The following GALNT18 variants were observed in gnomAD, a reference collection of about 807,000 sequenced individuals.
GALNT18 encodes the protein GalNAc-transferase 18.
A neutral mutation model predicts 69.5 loss-of-function variants in GALNT18; 44 were observed. That is an observed-to-expected ratio of 0.63 (90% confidence interval 0.50 to 0.81). GALNT18 has a LOEUF of 0.81. Among genes scored for constraint, GALNT18 ranks in the 40% least tolerant of loss-of-function variants. The pLI is 0.00. For missense variants in GALNT18, 715 were observed against 810.0 expected, an observed-to-expected ratio of 0.88 and a Z score of 1.42; for synonymous variants, 364 against 318.2, an observed-to-expected ratio of 1.14 and a Z score of -1.53.
Position 11,377,809 on chromosome 11 carries a change from G to T in GALNT18, c.780-430C>A, listed in dbSNP as rs1853805990. Among the ~76,000 whole-genome samples, 1 of 152,170 alleles carries T rather than the reference G, an allele frequency of 6.6e-6. No individual in the cohort carries two copies. Among genetic ancestry groups the T allele is most frequent in the Non-Finnish European group, 1.5e-5 (1 of 68,044 alleles). ...CCTGGAGGAAAAGACAGATGAGGATGGCAGAGACTAGGAGCTGAGAACAAA... is the reference window on the plus strand; with the variant it reads ...CCTGGAGGAAAAGACAGATGAGGATTGCAGAGACTAGGAGCTGAGAACAAA... On this transcript the variant is annotated intron_variant, in intron 4 of 10. Coordinates refer to ENST00000227756, the MANE Select transcript of GALNT18 (RefSeq NM_198516.3). The surrounding 1 kb of genome is among the most constrained non-coding windows in gnomAD (Gnocchi z 4.6).
rs113854452 is a variant in GALNT18, at chr11:11,435,188, G to A, written c.429-2401C>T. On this transcript the variant is annotated intron_variant, in intron 2 of 10. Transcript: ENST00000227756. This position sits in a 1 kb window ranked among gnomAD's most constrained non-coding sequence, Gnocchi z 4.4. ...CACTTCCCCACGGGGTCTGCACTGC[G>A]TTCCCAGAGCCTCAGTATCCAAATT... 1.4e-4 allele frequency among the ~76,000 whole-genome samples: 22 copies of A among 152,278 alleles called. No homozygotes were observed. In the East Asian group the frequency reaches 1.7e-3, roughly 12 times the overall value.
rs1436868075 is a variant in GALNT18, at chr11:11,494,515, C to A, written c.236-45579G>T. 6.6e-6 allele frequency among the ~76,000 whole-genome samples: 1 copy of A among 152,240 alleles called. No homozygotes were observed. The highest frequency in any genetic ancestry group is 2.4e-5 in the African/African-American group (1 of 41,464). ...GCCATCTCTTCCACAGCACTGACTG[C>A]CACCTAGACATGACTCAGCCATATG... On this transcript the variant is annotated intron_variant, in intron 1 of 10. Coordinates refer to ENST00000227756, the MANE Select transcript of GALNT18 (RefSeq NM_198516.3). This position sits in a 1 kb window ranked among gnomAD's most constrained non-coding sequence, Gnocchi z 5.7.
chr11:11,321,931 C>A (rs1199396587), intron 9 of GALNT18, among the ~76,000 whole-genome samples: 1 of 152,196 alleles, frequency 6.6e-6, no homozygotes, highest in Non-Finnish European at 1.5e-5. Flanking sequence ...CCAGGGCAGG[C>A]CCCCATGGCA....
intron 10 of GALNT18, among the ~76,000 whole-genome samples, chr11:11,276,597 C>A (rs910275809): frequency 6.6e-6 from 1 of 152,052 alleles, no homozygotes; most frequent in South Asian, 2.1e-4. Context: ...GAGAGGGCAT[C>A]CCTGTCTTGT....
chr11:11,522,544 C>T (rs937400207), intron 1 of GALNT18, among the ~76,000 whole-genome samples: 1 of 152,188 alleles, frequency 6.6e-6, no homozygotes, highest in African/African-American at 2.4e-5. Context: ...CCCACCACCA[C>T]TCAGCTCAAC....
intron 3 of GALNT18, among the ~76,000 whole-genome samples, chr11:11,386,612 G>A (rs1428394088): frequency 2.0e-5 from 3 of 151,892 alleles, no homozygotes; most frequent in Admixed American, 2.0e-4. Flanking sequence ...TGCATTAATT[G>A]GATAAAAGAA....
At position 11,545,032 on chromosome 11, in the gene GALNT18, T is replaced by G. The variant is rs560146276; in HGVS notation, c.235+76327A>C. ...TAATTAGAGCAGTATTTACAGAGTA[T>G]CAGATCATTCCATTGCTGTGCTATC... is the stretch of plus-strand genomic sequence containing the variant. On this transcript the variant is annotated intron_variant, in intron 1 of 10. Transcript: ENST00000227756. Among the ~76,000 whole-genome samples the G allele has an allele frequency of 3.5e-4, 54 of 152,344 alleles. 1 individual carries two copies. Among genetic ancestry groups the G allele is most frequent in the Middle Eastern group, 6.8e-3 (2 of 294 alleles).
In GALNT18 at chr11:11,469,326, GC is replaced by G. The variant is rs1856222913; in HGVS notation, c.236-20391del. ...GAAAGGCATGGAGACAGCGCTGAAA[GC>G]CTGCCCCTCATTATAAGCACTTCCA... On this transcript the variant is annotated intron_variant, in intron 1 of 10. Coordinates refer to ENST00000227756, the MANE Select transcript of GALNT18 (RefSeq NM_198516.3). The surrounding 1 kb of genome is among the most constrained non-coding windows in gnomAD (Gnocchi z 4.2). 6.6e-6 allele frequency among the ~76,000 whole-genome samples: 1 copy of G among 152,208 alleles called. No homozygotes were observed. Among genetic ancestry groups the G allele is most frequent in the Non-Finnish European group, 1.5e-5 (1 of 68,042 alleles).
In GALNT18 at chr11:11,546,309, G is replaced by A. The variant is rs1053465822; in HGVS notation, c.235+75050C>T. ...AACCCAGCCAGGACCTGAGGCCATC[G>A]GGACTCCCTGTCTTATCCTCCCCAT... On this transcript the variant is annotated intron_variant, in intron 1 of 10. Coordinates refer to ENST00000227756, the MANE Select transcript of GALNT18 (RefSeq NM_198516.3). This position sits in a 1 kb window ranked among gnomAD's most constrained non-coding sequence, Gnocchi z 5.8. Among the ~76,000 whole-genome samples the A allele has an allele frequency of 1.3e-5, 2 of 152,046 alleles. No homozygotes were observed. The highest frequency in any genetic ancestry group is 2.4e-5 in the African/African-American group (1 of 41,376).
At position 11,413,327 on chromosome 11, in the gene GALNT18, G is replaced by T. The variant is rs1854774604; in HGVS notation, c.595+19294C>A. ...GGCCCTGGAGGGGAAGCAATAGTCT[G>T]GCCAAACATCCCTCTGGAGGTGCAG... On this transcript the variant is annotated intron_variant, in intron 3 of 10. Coordinates refer to ENST00000227756, the MANE Select transcript of GALNT18 (RefSeq NM_198516.3). The surrounding 1 kb of genome is among the most constrained non-coding windows in gnomAD (Gnocchi z 4.7). 6.6e-6 allele frequency among the ~76,000 whole-genome samples: 1 copy of T among 152,154 alleles called. No homozygotes were observed. The highest frequency in any genetic ancestry group is 2.1e-4 in the South Asian group (1 of 4,822).
intron 9 of GALNT18, among the ~76,000 whole-genome samples, chr11:11,312,271 CA>C (rs1849685678): frequency 6.6e-6 from 1 of 152,160 alleles, no homozygotes; most frequent in Non-Finnish European, 1.5e-5. Context: ...TTGATTCCCC[CA>C]AAACTTAACT....
At chr11:11,446,508 G>A (rs1378162899) in intron 2 of GALNT18, among the ~76,000 whole-genome samples, 1 of 152,094 alleles carries the variant, frequency 6.6e-6, no homozygotes, top group Non-Finnish European at 1.5e-5. Context: ...CCTGTGTGCT[G>A]CCCCCACCAG....
Position 11,535,652 on chromosome 11 carries a change from T to C in GALNT18, c.235+85707A>G, listed in dbSNP as rs998665988. On this transcript the variant is annotated intron_variant, in intron 1 of 10. Coordinates refer to ENST00000227756, the MANE Select transcript of GALNT18 (RefSeq NM_198516.3). ...GGCTCAGATGCCGTTGGCCAGACCT[T>C]CTGACCACCCAGCCGGCCGAGCTTC... 1.4e-4 allele frequency among the ~76,000 whole-genome samples: 22 copies of C among 152,140 alleles called. 1 individual carries two copies. The highest frequency in any genetic ancestry group is 5.1e-4 in the African/African-American group (21 of 41,436).
In GALNT18 at chr11:11,372,416, G is replaced by A. The variant is rs1850930059; in HGVS notation, c.1092+99C>T. On this transcript the variant is annotated intron_variant, in intron 6 of 10. Coordinates refer to ENST00000227756, the MANE Select transcript of GALNT18 (RefSeq NM_198516.3). This position sits in a 1 kb window ranked among gnomAD's most constrained non-coding sequence, Gnocchi z 4.9. Reference sequence around the variant, plus strand: ...ATTCAGGACTGGACATTCAGAATCAGTCTGTGACCCTCAACCTTAAACCCC... The same window carrying A: ...ATTCAGGACTGGACATTCAGAATCAATCTGTGACCCTCAACCTTAAACCCC... 1 of 877,312 alleles carries A rather than the reference G, an allele frequency of 1.1e-6. No homozygotes were observed. The highest frequency in any genetic ancestry group is 1.9e-6 in the Non-Finnish European group (1 of 534,148). 54.3% of individuals were successfully genotyped at this position (877,312 alleles called of 1,614,324 possible).
chr11:11,292,084 C>A (rs1473030039), intron 10 of GALNT18, among the ~76,000 whole-genome samples: 2 of 152,148 alleles, frequency 1.3e-5, no homozygotes, highest in Non-Finnish European at 2.9e-5. Context: ...TCAGGGACTC[C>A]TGCCACTCAG....
At position 11,619,775 on chromosome 11, in the gene GALNT18, C is replaced by A. The variant is rs967679503; in HGVS notation, c.235+1584G>T. Among the ~76,000 whole-genome samples, 1 of 152,106 alleles carries A rather than the reference C, an allele frequency of 6.6e-6. No homozygotes were observed. The highest frequency in any genetic ancestry group is 1.5e-5 in the Non-Finnish European group (1 of 68,022). ...TCAAGACCTATGGGATGGAAAAGGA[C>A]ACGTAAGAAATAACAGCAACTGGCA... On this transcript the variant is annotated intron_variant, in intron 1 of 10. Transcript: ENST00000227756. This position sits in a 1 kb window ranked among gnomAD's most constrained non-coding sequence, Gnocchi z 4.9.
chr11:11,429,631 CAG>C (rs56342555), intron 3 of GALNT18, among the ~76,000 whole-genome samples: 80,476 of 151,620 alleles, frequency 0.53, 22,909 homozygotes, highest in East Asian at 0.77. Flanking sequence ...CTCCATTTTC[CAG>C]AGAGAGAGAG....
At chr11:11,580,428 G>A (rs1407813085) in intron 1 of GALNT18, among the ~76,000 whole-genome samples, 1 of 152,154 alleles carries the variant, frequency 6.6e-6, no homozygotes, top group Non-Finnish European at 1.5e-5. Flanking sequence ...ATGTTTCCCG[G>A]CTTTTGCCCA....
intron 3 of GALNT18, among the ~76,000 whole-genome samples, chr11:11,381,498 A>C (rs1853918819): frequency 6.6e-6 from 1 of 152,296 alleles, no homozygotes; most frequent in Admixed American, 6.5e-5. Context: ...GCTGAGGATG[A>C]TTGCTACCAA....
Sources: gnomAD v4.1 joint callset for allele counts (sites outside exome capture counted in the v4.1 genomes callset) on GRCh38, gnomAD v4.1.1 for gene constraint, Gnocchi (gnomAD v3.1) non-coding constraint, MANE v1.5 for transcripts, NCBI Gene and HGNC (gene_info 2026-07-23, HGNC 2026-07-21) for gene names.